Variants in EXPH5 observed in about 807,000 individuals in gnomAD.
EXPH5 encodes the protein exophilin 5.
Under a neutral mutation model 41.1 loss-of-function variants are expected in EXPH5, and 42 were observed. The observed-to-expected ratio is 1.02, with a 90% CI of 0.80 to 1.32. The LOEUF (loss-of-function observed/expected upper bound fraction) is 1.32, where lower values mean the gene tolerates loss of function less well. Among genes scored for constraint, EXPH5 ranks in the 40% most tolerant of loss-of-function variants. The probability of loss-of-function intolerance (pLI) is 0.00; values close to 1 mark genes in which losing one functional copy is unlikely to be tolerated. For synonymous variants in EXPH5, 798 were observed against 833.5 expected, an observed-to-expected ratio of 0.96 and a Z score of 0.73; for missense variants, 2,298 against 2,314.5, an observed-to-expected ratio of 0.99 and a Z score of 0.15.
At chr11:108,578,424 T>C (rs984448585) in intron 1 of EXPH5, among the ~76,000 whole-genome samples, 5 of 152,240 alleles carry the variant, frequency 3.3e-5, no homozygotes, top group Admixed American at 3.3e-4. Context: ...CATGTTATTT[T>C]AGTTACTGCT....
intron 2 of EXPH5, among the ~76,000 whole-genome samples, chr11:108,539,884 A>T (rs1209953182): frequency 6.6e-6 from 1 of 152,182 alleles, no homozygotes; most frequent in Non-Finnish European, 1.5e-5. Flanking sequence ...ATATTTCAGG[A>T]TCTAAAAAGA....
At position 108,518,424 on chromosome 11, in the gene EXPH5, A is replaced by G. The variant is rs1288010101; in HGVS notation, c.493-51T>C. The G allele has an allele frequency of 2.6e-6, 4 of 1,566,538 alleles. No individual in the cohort carries two copies. The Admixed American group carries it at 5.1e-5, about 20-fold the overall frequency. On this transcript the variant is annotated intron_variant, in intron 4 of 5. Transcript: ENST00000265843. ...ATTATTTCTGAGCCTTCACCAGTCA[A>G]AATACTCACACGCTCCCACCAAACT...
At chr11:108,583,609 C>T (rs1401434899) in intron 1 of EXPH5, among the ~76,000 whole-genome samples, 4 of 151,276 alleles carry the variant, frequency 2.6e-5, no homozygotes, top group Non-Finnish European at 4.4e-5. Flanking sequence ...ATCACTTGAG[C>T]CCGGGAGGTG....
At chr11:108,526,091 A>AT (rs1354834997) in intron 4 of EXPH5, among the ~76,000 whole-genome samples, 82 of 145,584 alleles carry the variant, frequency 5.6e-4, no homozygotes, top group South Asian at 2.0e-3. Flanking sequence ...ATTAAAAAAA[A>AT]TTTTTTTTTT....
chr11:108,522,614 G>T (rs921688530), intron 4 of EXPH5, among the ~76,000 whole-genome samples: 7 of 152,078 alleles, frequency 4.6e-5, no homozygotes, highest in Non-Finnish European at 1.0e-4. Context: ...CTTGTAGCAG[G>T]CATTCTCTGA....
rs748649272 is a variant in EXPH5 at position 108,518,226 on chromosome 11, T to C, written c.631+9A>G. ...GTAGTTGCAAAGGCAATTTAATGCA[T>C]GAACTTACCTTGGAAAAACTCATTC... On this transcript the variant is annotated intron_variant, in intron 5 of 5. Coordinates refer to ENST00000265843, the MANE Select transcript of EXPH5 (RefSeq NM_015065.3). 1 of 1,609,936 alleles carries C rather than the reference T, an allele frequency of 6.2e-7. No individual in the cohort carries two copies. Among genetic ancestry groups the C allele is most frequent in the Middle Eastern group, 1.7e-4 (1 of 6,036 alleles).
At chr11:108,586,876 G>A (rs1370008959) in intron 1 of EXPH5, among the ~76,000 whole-genome samples, 1 of 151,666 alleles carries the variant, frequency 6.6e-6, no homozygotes, top group African/African-American at 2.4e-5. Flanking sequence ...CTTTTAATAG[G>A]GCCATTGGCA....
intron 4 of EXPH5, 32 bp downstream of exon 4, chr11:108,528,103 CT>C: frequency 6.7e-7 from 1 of 1,492,964 alleles, no homozygotes; most frequent in Non-Finnish European, 9.3e-7. Context: ...TTCTGAATTT[CT>C]TAGAGTAACC....
intron 5 of EXPH5, among the ~76,000 whole-genome samples, 153 bp downstream of exon 5, chr11:108,518,077 AATAAC>A (rs1226434253): frequency 2.0e-5 from 3 of 152,232 alleles, no homozygotes; most frequent in Non-Finnish European, 2.9e-5. Context: ...TACTTGTGTT[AATAAC>A]ATATCAGCAT....
intron 1 of EXPH5, among the ~76,000 whole-genome samples, chr11:108,576,816 A>G (rs947904703): frequency 6.6e-6 from 1 of 152,150 alleles, no homozygotes; most frequent in Non-Finnish European, 1.5e-5. Context: ...GCTATCAAAC[A>G]CTAGATATTA....
chr11:108,561,006 C>T (rs1034412485), intron 1 of EXPH5, among the ~76,000 whole-genome samples: 6 of 152,092 alleles, frequency 3.9e-5, no homozygotes, highest in Middle Eastern at 3.2e-3. Context: ...CTAAAAGAAG[C>T]TTTGTTACAT....
At chr11:108,533,182 T>C (rs556353006) in intron 3 of EXPH5, among the ~76,000 whole-genome samples, 1 of 151,556 alleles carries the variant, frequency 6.6e-6, no homozygotes, top group Non-Finnish European at 1.5e-5. Context: ...CACATTCATT[T>C]GTTAGGTTCT....
intron 1 of EXPH5, among the ~76,000 whole-genome samples, chr11:108,577,287 G>A (rs1160781288): frequency 6.6e-6 from 1 of 152,118 alleles, no homozygotes; most frequent in Non-Finnish European, 1.5e-5. Flanking sequence ...TCATATGGTA[G>A]TTCTATTTGT....
chr11:108,586,940 A>T (rs1291947678), intron 1 of EXPH5, among the ~76,000 whole-genome samples: 2 of 152,060 alleles, frequency 1.3e-5, no homozygotes, highest in Admixed American at 6.5e-5. Context: ...TATAGCTCTC[A>T]AATCTCACAG....
intron 3 of EXPH5, among the ~76,000 whole-genome samples, chr11:108,532,178 A>T (rs2093842281): frequency 6.9e-6 from 1 of 144,942 alleles, no homozygotes. Context: ...TCTGCCATAG[A>T]GAATTTTTTT....
upstream of EXPH5, among the ~76,000 whole-genome samples, chr11:108,596,984 G>A (rs2094139739): frequency 6.6e-6 from 1 of 152,118 alleles, no homozygotes. Context: ...CTTTTGCCCA[G>A]GCTCTCAGCT....
At chr11:108,527,577 T>C (rs560282657) in intron 4 of EXPH5, among the ~76,000 whole-genome samples, 1 of 152,274 alleles carries the variant, frequency 6.6e-6, no homozygotes. Context: ...CACAGGAATG[T>C]GTAGATCAAA....
At chr11:108,528,208 T>A in intron 3 of EXPH5, 24 bp from the exon 4 acceptor site, 1 of 1,588,514 alleles carries the variant, frequency 6.3e-7, no homozygotes, top group Non-Finnish European at 8.6e-7. Context: ...TTGAAATGAT[T>A]TCTTTGAAGA....
chr11:108,606,733 G>A, the EXPH5 span, among the ~76,000 whole-genome samples: 2 of 151,912 alleles, frequency 1.3e-5, no homozygotes, highest in Non-Finnish European at 2.9e-5. Context: ...TCCTCATACA[G>A]GTTTTTTTCA....
Sources: allele counts gnomAD v4.1 joint callset (sites outside exome capture counted in the v4.1 genomes callset), GRCh38; gene constraint gnomAD v4.1.1; transcripts MANE v1.5; gene names NCBI Gene and HGNC (gene_info 2026-07-23, HGNC 2026-07-21).